The following EXT1 variants were observed in gnomAD, a reference collection of about 807,000 sequenced individuals.
EXT1 encodes the protein exostosin glycosyltransferase 1, also known as exostosin-1.
A neutral mutation model predicts 82.5 loss-of-function variants in EXT1; 20 were observed. The observed-to-expected ratio is 0.24, with a 90% confidence interval of 0.17 to 0.35. The LOEUF is 0.35. Ranked by LOEUF, EXT1 falls within the 10% of genes least tolerant of loss-of-function variation. EXT1 has a pLI of 1.00. For synonymous variants in EXT1, 348 were observed against 350.8 expected, an observed-to-expected ratio of 0.99 and a Z score of 0.09; for missense variants, 757 against 936.5, an observed-to-expected ratio of 0.81 and a Z score of 2.50.
At chr8:118,083,753 C>A (rs1006067409) in intron 1 of EXT1, among the ~76,000 whole-genome samples, 44 of 152,086 alleles carry the variant, frequency 2.9e-4, no homozygotes, top group African/African-American at 1.1e-3. Context: ...GGAGGCGGGG[C>A]GCAGTAGCTC....
chr8:117,995,027 G>C (rs1275685781), intron 1 of EXT1, among the ~76,000 whole-genome samples: 1 of 152,200 alleles, frequency 6.6e-6, no homozygotes. Context: ...TGTGTCCAGA[G>C]TCACGAAGAC....
At chr8:117,985,651 A>G (rs1815302533) in intron 1 of EXT1, among the ~76,000 whole-genome samples, 1 of 150,244 alleles carries the variant, frequency 6.7e-6, no homozygotes, top group South Asian at 2.1e-4. Flanking sequence ...AAACCTCAAC[A>G]AAAAAGCTTA....
intron 1 of EXT1, among the ~76,000 whole-genome samples, chr8:117,873,702 C>G (rs550191308): frequency 1.3e-5 from 2 of 152,016 alleles, no homozygotes; most frequent in Non-Finnish European, 2.9e-5. Flanking sequence ...GTGATCTGCC[C>G]GCCTTGGACT....
At chr8:117,951,969 T>C (rs555099254) in intron 1 of EXT1, among the ~76,000 whole-genome samples, 14 of 152,362 alleles carry the variant, frequency 9.2e-5, no homozygotes, top group African/African-American at 3.4e-4. Context: ...TGAAGAGTTG[T>C]GACAGAGACC....
rs1814880181 is a variant in EXT1, at chr8:117,968,779, C to T, written c.963-131578G>A. Among the ~76,000 whole-genome samples, 2 of 119,690 alleles carry T rather than the reference C, an allele frequency of 1.7e-5. 1 individual carries two copies. 78.5% of individuals were successfully genotyped at this position (119,690 alleles called of 152,430 possible). On this transcript the variant is annotated intron_variant, in intron 1 of 10. Transcript: ENST00000378204. Reference sequence around the variant, plus strand: ...AGAGACGGGGTTTCACCAGGTTAGCCAGGATGGTCTCGATCTCCTGACCTT... The same window carrying T: ...AGAGACGGGGTTTCACCAGGTTAGCTAGGATGGTCTCGATCTCCTGACCTT...
chr8:117,958,363 C>T (rs1420910646), intron 1 of EXT1, among the ~76,000 whole-genome samples: 1 of 152,020 alleles, frequency 6.6e-6, no homozygotes, highest in Non-Finnish European at 1.5e-5. Context: ...CATATATGAC[C>T]CTAAACCTTC....
chr8:117,796,966 C>T lies in EXT1; in HGVS notation c.*2746G>A, dbSNP rs1200315844. 1.3e-5 allele frequency: 2 copies of T among 152,178 alleles called. No individual in the cohort carries two copies. Among genetic ancestry groups the T allele is most frequent in the Admixed American group, 6.5e-5 (1 of 15,282 alleles). 9.4% of individuals were successfully genotyped at this position (152,178 alleles called of 1,614,324 possible). A position where few individuals can be genotyped will look rare whatever the true frequency, so the allele number is the denominator to read the frequency against. ...GGAAATCCATAAGTGGCTGAGTCCT[C>T]TTTGGAATTTCTGCAAGCAATTCAT... On this transcript the variant is annotated 3_prime_UTR_variant, in exon 11 of 11. Coordinates refer to ENST00000378204, the MANE Select transcript of EXT1 (RefSeq NM_000127.3).
At chr8:117,905,728 C>A (rs1015714384) in intron 1 of EXT1, among the ~76,000 whole-genome samples, 1 of 151,602 alleles carries the variant, frequency 6.6e-6, no homozygotes, top group South Asian at 2.1e-4. Context: ...AGGACAATGG[C>A]GTGAACCCGG....
chr8:117,997,281 T>C (rs1215666729), intron 1 of EXT1, among the ~76,000 whole-genome samples: 5 of 143,400 alleles, frequency 3.5e-5, no homozygotes, highest in East Asian at 2.0e-4. Context: ...TATATATATA[T>C]ACTTTATATA....
rs1554581731 is a variant in EXT1, at chr8:117,858,766, A to AGGCAGGCAGGCAGGCAGGC, written c.963-21566_963-21565insGCCTGCCTGCCTGCCTGCC. 8.0e-3 allele frequency among the ~76,000 whole-genome samples: 435 copies of AGGCAGGCAGGCAGGCAGGC among 54,532 alleles called. 8 individuals carry two copies. The highest frequency in any genetic ancestry group is 9.7e-3 in the Non-Finnish European group (302 of 31,012). 35.8% of individuals were successfully genotyped at this position (54,532 alleles called of 152,430 possible). A position where few individuals can be genotyped will look rare whatever the true frequency, so the allele number is the denominator to read the frequency against. ...GAAGGAAGGAAGGAAGGAAGGAAGG[A>AGGCAGGCAGGCAGGCAGGC]AGGCAGGCAGGCAGGCAGGCAGGCA... On this transcript the variant is annotated intron_variant, in intron 1 of 10. Transcript: ENST00000378204.
intron 1 of EXT1, among the ~76,000 whole-genome samples, chr8:117,880,916 T>C (rs1165538298): frequency 6.6e-6 from 1 of 152,178 alleles, no homozygotes; most frequent in South Asian, 2.1e-4. Flanking sequence ...ATGAACTCTT[T>C]TGTTTGTTGG....
intron 10 of EXT1, among the ~76,000 whole-genome samples, chr8:117,801,560 C>T (rs902677007): frequency 4.6e-5 from 7 of 151,888 alleles, no homozygotes; most frequent in African/African-American, 7.2e-5. Context: ...GGCTGGAGTG[C>T]GGTGGCATGA....
intron 1 of EXT1, among the ~76,000 whole-genome samples, chr8:118,033,373 T>C (rs542863663): frequency 1.3e-5 from 2 of 152,230 alleles, no homozygotes; most frequent in Non-Finnish European, 2.9e-5. Context: ...ACATACTGTG[T>C]TCAGATTTAA....
intron 1 of EXT1, among the ~76,000 whole-genome samples, chr8:118,062,543 C>T (rs1396621100): frequency 6.6e-6 from 1 of 152,106 alleles, no homozygotes; most frequent in Non-Finnish European, 1.5e-5. Flanking sequence ...TGTGAAAAGA[C>T]CCCCGTCTTT....
intron 1 of EXT1, among the ~76,000 whole-genome samples, chr8:117,935,050 T>C (rs1342991924): frequency 6.6e-6 from 1 of 152,140 alleles, no homozygotes; most frequent in African/African-American, 2.4e-5. Flanking sequence ...ATCCATTCTG[T>C]TACTTACTAA....
intron 1 of EXT1, among the ~76,000 whole-genome samples, chr8:117,845,436 G>C (rs1490201387): frequency 1.3e-5 from 2 of 152,074 alleles, no homozygotes; most frequent in African/African-American, 4.8e-5. Flanking sequence ...ATTGCTACCT[G>C]TGTATATTAA....
chr8:118,025,292 G>C (rs1389830909), intron 1 of EXT1, among the ~76,000 whole-genome samples: 1 of 152,262 alleles, frequency 6.6e-6, no homozygotes, highest in Admixed American at 6.5e-5. Context: ...ATGAGGAGGA[G>C]AACTCCAAAG....
At chr8:117,836,593 T>G (rs1587004100) in intron 2 of EXT1, among the ~76,000 whole-genome samples, 1 of 152,080 alleles carries the variant, frequency 6.6e-6, no homozygotes, top group Admixed American at 6.5e-5. Flanking sequence ...CAGAGTGAGG[T>G]TGATGAGCTG....
At chr8:117,815,995 T>A (rs993585736) in intron 7 of EXT1, among the ~76,000 whole-genome samples, 12 of 151,456 alleles carry the variant, frequency 7.9e-5, no homozygotes, top group Middle Eastern at 3.2e-3. Context: ...AGAAGTTTAC[T>A]GTCTTGTAGT....
Sources: gnomAD v4.1 joint callset for allele counts (sites outside exome capture counted in the v4.1 genomes callset) on GRCh38, gnomAD v4.1.1 for gene constraint, MANE v1.5 for transcripts, NCBI Gene and HGNC (gene_info 2026-07-23, HGNC 2026-07-21) for gene names.